Variants in NKAIN2 observed in about 807,000 individuals in gnomAD.
NKAIN2 encodes the protein sodium/potassium-transporting ATPase subunit beta-1-interacting protein 2.
NKAIN2 carries 14 observed loss-of-function variants against 32.6 expected under a neutral mutation model. That is an observed-to-expected ratio of 0.43 (90% CI 0.28 to 0.67). NKAIN2 has a LOEUF of 0.67. NKAIN2 is among the 30% of genes least tolerant of loss of function. The probability of loss-of-function intolerance (pLI) is 0.17; values close to 1 mark genes in which losing one functional copy is unlikely to be tolerated. For synonymous variants in NKAIN2, 80 were observed against 87.2 expected, an observed-to-expected ratio of 0.92 and a Z score of 0.46; for missense variants, 198 against 258.3, an observed-to-expected ratio of 0.77 and a Z score of 1.60.
chr6:124,345,755 A>G (rs934530782), intron 2 of NKAIN2, among the ~76,000 whole-genome samples: 1 of 151,864 alleles, frequency 6.6e-6, no homozygotes, highest in African/African-American at 2.4e-5. Flanking sequence ...CTAGCGGTCT[A>G]TCAATTTTGT....
intron 4 of NKAIN2, among the ~76,000 whole-genome samples, chr6:124,751,506 C>T (rs940682540): frequency 6.6e-6 from 1 of 151,734 alleles, no homozygotes; most frequent in Non-Finnish European, 1.5e-5. Context: ...GGATGGGTTC[C>T]TGAGATGTCC....
rs142998890 is a variant in NKAIN2, at chr6:123,817,791, G to A, written c.54+13537G>A. 2.6e-4 allele frequency among the ~76,000 whole-genome samples: 40 copies of A among 152,288 alleles called. No homozygotes were observed. In the East Asian group the frequency reaches 7.3e-3, roughly 28 times the overall value. ...GTATGAAGGCATGGGGAAAAAACAG[G>A]ATGAAAGTAAAAGAAGATTGGAAGG... On this transcript the variant is annotated intron_variant, in intron 1 of 6. Coordinates refer to ENST00000368417, the MANE Select transcript of NKAIN2 (RefSeq NM_001040214.3).
chr6:123,948,645 G>T lies in NKAIN2; in HGVS notation c.54+144391G>T, dbSNP rs867527094. Among the ~76,000 whole-genome samples the T allele has an allele frequency of 3.8e-3, 226 of 59,804 alleles. 2 individuals are homozygous for T. Among genetic ancestry groups the T allele is most frequent in the African/African-American group, 0.012 (219 of 18,512 alleles). The allele number at this position is 59,804 out of a possible 152,430, so 39.2% of individuals were successfully genotyped here. A position where few individuals can be genotyped will look rare whatever the true frequency, so the allele number is the denominator to read the frequency against. On this transcript the variant is annotated intron_variant, in intron 1 of 6. Transcript: ENST00000368417. Reference sequence around the variant, plus strand: ...TTTTTTTTTTGCTGTTGAGTTCCTTGTGTATTCTGGATATTAGTCTTTTGT... The same window carrying T: ...TTTTTTTTTTGCTGTTGAGTTCCTTTTGTATTCTGGATATTAGTCTTTTGT...
At chr6:124,228,433 C>A (rs1227820973) in intron 1 of NKAIN2, among the ~76,000 whole-genome samples, 6 of 152,116 alleles carry the variant, frequency 3.9e-5, no homozygotes, top group Admixed American at 6.6e-5. Context: ...GTAATAAATT[C>A]TCTTGTTTGT....
chr6:124,165,842 G>T (rs1290954002), intron 1 of NKAIN2, among the ~76,000 whole-genome samples: 3 of 139,080 alleles, frequency 2.2e-5, no homozygotes, highest in Non-Finnish European at 4.6e-5. Flanking sequence ...CAAAGGACAT[G>T]AACTCATCAT....
intron 1 of NKAIN2, among the ~76,000 whole-genome samples, chr6:123,911,812 T>TATATATATACAC (rs1331943561): frequency 1.2e-5 from 1 of 85,014 alleles, no homozygotes; most frequent in African/African-American, 4.6e-5. Context: ...TATATATATA[T>TATATATATACAC]ACACACACAC....
In NKAIN2 at chr6:123,804,016, C is replaced by T. The variant is rs1773103536; in HGVS notation, c.-185C>T. The T allele has an allele frequency of 1.6e-6, 1 of 617,560 alleles. No individual in the cohort carries two copies. The highest frequency in any genetic ancestry group is 2.8e-5 in the Admixed American group (1 of 35,502). 38.3% of individuals were successfully genotyped at this position (617,560 alleles called of 1,614,324 possible). ...CGGGCGCGGCTGGAGCTGCCGCCGC[C>T]GCCGCCGCCGCGCCAGCAGGTCCTA... On this transcript the variant is annotated 5_prime_UTR_variant, in exon 1 of 7. Transcript: ENST00000368417.
chr6:124,289,263 A>C (rs1052191923), intron 2 of NKAIN2, among the ~76,000 whole-genome samples: 2 of 151,960 alleles, frequency 1.3e-5, no homozygotes, highest in Non-Finnish European at 2.9e-5. Flanking sequence ...GTTTTACTAC[A>C]TTTTTTTTAA....
chr6:124,299,563 A>G (rs1796213125), intron 2 of NKAIN2, among the ~76,000 whole-genome samples: 1 of 152,196 alleles, frequency 6.6e-6, no homozygotes, highest in Non-Finnish European at 1.5e-5. Flanking sequence ...AAAAACATTT[A>G]TTTGACATGA....
intron 1 of NKAIN2, among the ~76,000 whole-genome samples, chr6:124,192,658 T>G (rs1014850579): frequency 1.3e-5 from 2 of 152,012 alleles, no homozygotes; most frequent in African/African-American, 4.8e-5. Flanking sequence ...ATTTTTTTTG[T>G]TGGTTACATG....
intron 1 of NKAIN2, among the ~76,000 whole-genome samples, chr6:123,907,328 A>C (rs974621007): frequency 9.2e-5 from 14 of 152,136 alleles, no homozygotes; most frequent in Admixed American, 3.9e-4. Context: ...AAAATGTCTC[A>C]TTTTTAAAAT....
chr6:124,584,321 G>T (rs1176975986), intron 3 of NKAIN2, among the ~76,000 whole-genome samples: 2 of 152,094 alleles, frequency 1.3e-5, no homozygotes, highest in African/African-American at 4.8e-5. Context: ...ATTTGATTAA[G>T]AAATGGGCAA....
chr6:124,550,155 T>C (rs552127465), intron 3 of NKAIN2, among the ~76,000 whole-genome samples: 2 of 152,200 alleles, frequency 1.3e-5, no homozygotes, highest in Non-Finnish European at 2.9e-5. Flanking sequence ...TTCTCTCCTG[T>C]TTATTTAGTT....
chr6:123,910,245 A>G (rs1435701006), intron 1 of NKAIN2, among the ~76,000 whole-genome samples: 1 of 152,140 alleles, frequency 6.6e-6, no homozygotes, highest in Non-Finnish European at 1.5e-5. Flanking sequence ...TGGGGTGTGA[A>G]CTATAAAACA....
chr6:124,413,850 G>T (rs1298618598), intron 3 of NKAIN2, among the ~76,000 whole-genome samples: 1 of 152,022 alleles, frequency 6.6e-6, no homozygotes, highest in East Asian at 1.9e-4. Flanking sequence ...CTAATATATA[G>T]TAATTCAGCT....
At chr6:124,726,804 T>A (rs1421244192) in intron 4 of NKAIN2, among the ~76,000 whole-genome samples, 1 of 136,544 alleles carries the variant, frequency 7.3e-6, no homozygotes, top group Admixed American at 7.7e-5. Context: ...AGTTGAAAAC[T>A]TTGAAAAAAA....
rs139644137 is a variant in NKAIN2, at chr6:124,370,166, A to G, written c.273+14819A>G. Among the ~76,000 whole-genome samples the G allele has an allele frequency of 7.3e-5, 11 of 151,254 alleles. No individual in the cohort carries two copies. In the East Asian group the frequency reaches 1.8e-3, roughly 24 times the overall value. Reference sequence around the variant, plus strand: ...AGTACGCTACAGGTAACCAGGGAGCAATGTTCAGTAAATACCGTGCTACTA... The same window carrying G: ...AGTACGCTACAGGTAACCAGGGAGCGATGTTCAGTAAATACCGTGCTACTA... On this transcript the variant is annotated intron_variant, in intron 3 of 6. Coordinates refer to ENST00000368417, the MANE Select transcript of NKAIN2 (RefSeq NM_001040214.3).
intron 4 of NKAIN2, among the ~76,000 whole-genome samples, chr6:124,714,358 A>T (rs570841089): frequency 1.3e-5 from 2 of 152,250 alleles, no homozygotes; most frequent in African/African-American, 4.8e-5. Context: ...TGAATCTGTC[A>T]TATCAACTAG....
At chr6:124,733,112 A>T (rs1776768104) in intron 4 of NKAIN2, among the ~76,000 whole-genome samples, 1 of 152,018 alleles carries the variant, frequency 6.6e-6, no homozygotes, top group Non-Finnish European at 1.5e-5. Context: ...GAACAAACCA[A>T]AACTATAGCG....
Sources: gnomAD v4.1 joint callset for allele counts (sites outside exome capture counted in the v4.1 genomes callset) on GRCh38, gnomAD v4.1.1 for gene constraint, MANE v1.5 for transcripts, NCBI Gene and HGNC (gene_info 2026-07-23, HGNC 2026-07-21) for gene names.